Variants in LHFPL6 observed in about 807,000 individuals in gnomAD.
The protein encoded by LHFPL6 is LHFPL tetraspan subfamily member 6.
Under a neutral mutation model 20.6 loss-of-function variants are expected in LHFPL6, and 9 were observed. The ratio of observed to expected loss-of-function variants is 0.44; its 90% confidence interval spans 0.26 to 0.76. The LOEUF (loss-of-function observed/expected upper bound fraction) is 0.76. Among genes scored for constraint, LHFPL6 ranks in the 30% least tolerant of loss-of-function variants. LHFPL6 has a pLI of 0.20. For missense variants in LHFPL6, 218 were observed against 253.5 expected, an observed-to-expected ratio of 0.86 and a Z score of 0.95; for synonymous variants, 105 against 98.7, an observed-to-expected ratio of 1.06 and a Z score of -0.38.
chr13:39,601,287 A>C lies in LHFPL6; in HGVS notation c.-71T>G. On this transcript the variant is annotated 5_prime_UTR_variant, in exon 2 of 4. In the 5' UTR this introduces an upstream ATG that the reference lacks. Transcript: ENST00000379589. ...ACTGCAGGAGTGAATGAAGGTGTGA[A>C]ATCACCAGGGACCCACAGATAATCC... 1 of 1,456,572 alleles carries C rather than the reference A, an allele frequency of 6.9e-7. No homozygotes were observed. 90.2% of individuals were successfully genotyped at this position (1,456,572 alleles called of 1,614,324 possible).
intron 2 of LHFPL6, among the ~76,000 whole-genome samples, chr13:39,503,522 C>T (rs1266595358): frequency 6.6e-6 from 1 of 152,142 alleles, no homozygotes; most frequent in African/African-American, 2.4e-5. Flanking sequence ...ACACAATTTA[C>T]TTATTGTGCT....
intron 2 of LHFPL6, among the ~76,000 whole-genome samples, chr13:39,386,889 C>T (rs962877270): frequency 3.9e-5 from 6 of 152,200 alleles, no homozygotes; most frequent in African/African-American, 1.2e-4. Context: ...AATCCCTTCT[C>T]TTTGACTGAG....
chr13:39,567,114 G>C (rs535134002), intron 2 of LHFPL6, among the ~76,000 whole-genome samples: 4 of 150,770 alleles, frequency 2.7e-5, no homozygotes, highest in Middle Eastern at 6.8e-3. Flanking sequence ...AGCATAGCTA[G>C]AGCATTCTCT....
chr13:39,364,151 G>T (rs188546112), intron 3 of LHFPL6, among the ~76,000 whole-genome samples: 1 of 152,264 alleles, frequency 6.6e-6, no homozygotes, highest in African/African-American at 2.4e-5. Context: ...GAGATCGTTA[G>T]AAAACAAAAG....
chr13:39,437,297 G>T (rs1379702556), intron 2 of LHFPL6, among the ~76,000 whole-genome samples: 2 of 152,098 alleles, frequency 1.3e-5, no homozygotes, highest in African/African-American at 4.8e-5. Flanking sequence ...GAAGGTGATT[G>T]GATCATGGGG....
chr13:39,467,488 C>T (rs1872834701), intron 2 of LHFPL6, among the ~76,000 whole-genome samples: 1 of 152,110 alleles, frequency 6.6e-6, no homozygotes, highest in African/African-American at 2.4e-5. Flanking sequence ...GAAGCAGCCT[C>T]AAGGTCTCTC....
At chr13:39,455,341 A>T (rs1029073362) in intron 2 of LHFPL6, among the ~76,000 whole-genome samples, 4 of 152,186 alleles carry the variant, frequency 2.6e-5, no homozygotes, top group African/African-American at 9.7e-5. Flanking sequence ...CAGGGAGTGA[A>T]AAAGTTGAAA....
chr13:39,569,873 T>A (rs956233084), intron 2 of LHFPL6, among the ~76,000 whole-genome samples: 1 of 152,152 alleles, frequency 6.6e-6, no homozygotes, highest in East Asian at 1.9e-4. Flanking sequence ...TGCTAACAAT[T>A]CGAAACGTTT....
chr13:39,352,588 TG>T (rs1437256081), intron 3 of LHFPL6, among the ~76,000 whole-genome samples: 1 of 152,112 alleles, frequency 6.6e-6, no homozygotes, highest in Non-Finnish European at 1.5e-5. Flanking sequence ...AAGTCACTGC[TG>T]AGCACCCATA....
intron 2 of LHFPL6, among the ~76,000 whole-genome samples, chr13:39,439,648 G>T (rs1872059593): frequency 6.6e-6 from 1 of 152,100 alleles, no homozygotes; most frequent in South Asian, 2.1e-4. Context: ...GATCATGGGG[G>T]CAGTTTCTCA....
chr13:39,495,114 CT>C (rs1869055603), intron 2 of LHFPL6, among the ~76,000 whole-genome samples: 5 of 152,218 alleles, frequency 3.3e-5, no homozygotes. Flanking sequence ...AACAAGCAAA[CT>C]TGATCAACTT....
intron 2 of LHFPL6, among the ~76,000 whole-genome samples, chr13:39,513,752 G>A (rs1285162482): frequency 6.6e-6 from 1 of 152,100 alleles, no homozygotes; most frequent in African/African-American, 2.4e-5. Context: ...ATTGTCCAAG[G>A]TTATATATCT....
chr13:39,461,018 T>C (rs1872674379), intron 2 of LHFPL6, among the ~76,000 whole-genome samples: 1 of 152,184 alleles, frequency 6.6e-6, no homozygotes, highest in African/African-American at 2.4e-5. Context: ...CCTAAGTGTC[T>C]ATTGTTCCCC....
chr13:39,359,087 G>A (rs1156508975), intron 3 of LHFPL6, among the ~76,000 whole-genome samples: 1 of 151,020 alleles, frequency 6.6e-6, no homozygotes, highest in Non-Finnish European at 1.5e-5. Context: ...ACTTGAACCC[G>A]GGAGGCGGAT....
chr13:39,602,595 C>G (rs929144509), intron 1 of LHFPL6, among the ~76,000 whole-genome samples: 1 of 151,436 alleles, frequency 6.6e-6, no homozygotes, highest in African/African-American at 2.5e-5. Flanking sequence ...ATTGCCTCAC[C>G]GAGCCACTCC....
intron 2 of LHFPL6, among the ~76,000 whole-genome samples, chr13:39,546,284 T>C (rs1870980381): frequency 6.6e-6 from 1 of 152,130 alleles, no homozygotes; most frequent in Non-Finnish European, 1.5e-5. Context: ...AAATGTGGCC[T>C]ATGTTCTCAT....
intron 3 of LHFPL6, among the ~76,000 whole-genome samples, chr13:39,369,567 T>TTTCCTTCCTTCCTTCCCTCCTTCCTTCC (rs1870102169): frequency 3.6e-5 from 1 of 27,798 alleles, no homozygotes; most frequent in Non-Finnish European, 8.7e-5. Context: ...TCATAGTAGG[T>TTTCCTTCCTTCCTTCCCTCCTTCCTTCC]TTCCTTCCTT....
intron 2 of LHFPL6, among the ~76,000 whole-genome samples, chr13:39,489,847 G>C (rs1387465709): frequency 6.6e-6 from 1 of 152,118 alleles, no homozygotes; most frequent in East Asian, 1.9e-4. Flanking sequence ...AAGTCACCAT[G>C]CCTGGCCTGG....
intron 2 of LHFPL6, among the ~76,000 whole-genome samples, chr13:39,594,930 A>T (rs960008853): frequency 6.6e-6 from 1 of 152,116 alleles, no homozygotes; most frequent in African/African-American, 2.4e-5. Context: ...GAACACACGG[A>T]CACAGGAAGG....
Sources: allele counts gnomAD v4.1 joint callset (sites outside exome capture counted in the v4.1 genomes callset), GRCh38; gene constraint gnomAD v4.1.1; transcripts MANE v1.5; gene names NCBI Gene and HGNC (gene_info 2026-07-23, HGNC 2026-07-21).